PLAA: variants seen among roughly 807,000 people sequenced by gnomAD.
PLAA encodes the protein phospholipase A2 activating protein.
In PLAA, 48 loss-of-function variants were observed where a neutral mutation model predicts 84.1. That is an observed-to-expected ratio of 0.57 (90% confidence interval 0.45 to 0.73). The LOEUF is 0.73. PLAA is among the 30% of genes least tolerant of loss of function. The probability of loss-of-function intolerance (pLI) is 0.00; values close to 1 mark genes in which losing one functional copy is unlikely to be tolerated. For synonymous variants in PLAA, 392 were observed against 336.6 expected (o/e 1.16, Z -1.80); for missense variants, 903 against 954.7 (o/e 0.95, Z 0.71).
intron 13 of PLAA, 165 bp downstream of exon 13, chr9:26,907,669 C>A (rs548729653): frequency 8.5e-5 from 43 of 503,548 alleles, no homozygotes; most frequent in African/African-American, 2.1e-4. Context: ...GAAACAAGAT[C>A]ATCAATTCCA....
intron 10 of PLAA, among the ~76,000 whole-genome samples, chr9:26,915,213 G>GA (rs980332744): frequency 4.4e-4 from 63 of 143,030 alleles, no homozygotes; most frequent in East Asian, 9.9e-4. Context: ...ACTCTGACTC[G>GA]AAAAAAAAAA....
chr9:26,929,385 A>G (rs1825094573), intron 2 of PLAA, among the ~76,000 whole-genome samples: 1 of 151,854 alleles, frequency 6.6e-6, no homozygotes, highest in Non-Finnish European at 1.5e-5. Flanking sequence ...CCAGTAAGAG[A>G]ATTGCTTGAG....
chr9:26,928,481 T>C, intron 2 of PLAA, 73 bp from the exon 3 acceptor site: 2 of 1,048,286 alleles, frequency 1.9e-6, no homozygotes, highest in South Asian at 1.3e-5. Flanking sequence ...TACTAAAGCA[T>C]TCCAATTTTA....
At chr9:26,931,704 A>G (rs540913007) in intron 2 of PLAA, among the ~76,000 whole-genome samples, 3 of 152,182 alleles carry the variant, frequency 2.0e-5, no homozygotes, top group Non-Finnish European at 4.4e-5. Flanking sequence ...AGCTAAAATA[A>G]TCTGGTTTTA....
At chr9:26,938,620 G>A (rs1260033257) in intron 1 of PLAA, among the ~76,000 whole-genome samples, 1 of 149,330 alleles carries the variant, frequency 6.7e-6, no homozygotes, top group African/African-American at 2.5e-5. Context: ...TGTAAGAAAT[G>A]CTTAAAGGAG....
chr9:26,914,066 T>C (rs1824480466), intron 10 of PLAA, 119 bp from the exon 11 acceptor site: 3 of 673,792 alleles, frequency 4.5e-6, no homozygotes, highest in African/African-American at 1.8e-5. Flanking sequence ...ATATACATAA[T>C]AAATATGCCA....
intron 6 of PLAA, among the ~76,000 whole-genome samples, chr9:26,925,234 C>A (rs969192893): frequency 6.6e-6 from 1 of 152,266 alleles, no homozygotes; most frequent in Middle Eastern, 3.4e-3. Context: ...TTTAGTAATT[C>A]ATAAGTTCTG....
Position 26,914,043 on chromosome 9 carries a change from C to T in PLAA, c.1487-96G>A. 3 of 835,004 alleles carry T rather than the reference C, an allele frequency of 3.6e-6. No homozygotes were observed. In the South Asian group the frequency reaches 4.6e-5, roughly 13 times the overall value. 51.7% of individuals were successfully genotyped at this position (835,004 alleles called of 1,614,324 possible). ...TATTTCCAGTATTAAGCACACTTCA[C>T]AATGGCGTCATTATATACATAATAA... On this transcript the variant is annotated intron_variant, in intron 10 of 13. Transcript: ENST00000397292.
At chr9:26,928,778 T>C (rs947150514) in intron 2 of PLAA, among the ~76,000 whole-genome samples, 6 of 152,234 alleles carry the variant, frequency 3.9e-5, no homozygotes, top group African/African-American at 1.4e-4. Context: ...TATATAAATA[T>C]TTAAGGCTGC....
At chr9:26,939,409 A>T (rs963780480) in intron 1 of PLAA, among the ~76,000 whole-genome samples, 1 of 151,490 alleles carries the variant, frequency 6.6e-6, no homozygotes, top group Non-Finnish European at 1.5e-5. Flanking sequence ...AAAATAAAAT[A>T]AATAAATAAA....
Position 26,908,529 on chromosome 9 carries a change from T to A in PLAA, c.1658-531A>T, listed in dbSNP as rs533956082. ...CCCAGGCTGGAGTGCAGTGGCATGA[T>A]CTCGGCTCACTGCAACCTCCGCCAT... On this transcript the variant is annotated intron_variant, in intron 12 of 13. Transcript: ENST00000397292. 2.6e-5 allele frequency among the ~76,000 whole-genome samples: 4 copies of A among 151,224 alleles called. No homozygotes were observed. The South Asian group carries it at 6.3e-4, about 24-fold the overall frequency.
At chr9:26,919,085 C>A in intron 9 of PLAA, 2 of 384,996 alleles carry the variant, frequency 5.2e-6, no homozygotes, top group Non-Finnish European at 9.2e-6. Context: ...ACTGAAATTC[C>A]ATTATAGTAT....
Position 26,922,333 on chromosome 9 carries a change from T to A in PLAA, c.1039+845A>T, listed in dbSNP as rs188367627. On this transcript the variant is annotated intron_variant, in intron 7 of 13. Coordinates refer to ENST00000397292, the MANE Select transcript of PLAA (RefSeq NM_001031689.3). ...TGCATGCAAGTAGAACATAGTAACT[T>A]ACCAGAATGGTTTAAAGCCCCTGGC... 2.4e-3 allele frequency among the ~76,000 whole-genome samples: 367 copies of A among 152,192 alleles called. 1 individual carries two copies. The highest frequency in any genetic ancestry group is 0.019 in the Admixed American group (290 of 15,286).
At position 26,935,524 on chromosome 9, in the gene PLAA, T is replaced by G. The variant is rs1825331037; in HGVS notation, c.150-318A>C. On this transcript the variant is annotated intron_variant, in intron 1 of 13. Transcript: ENST00000397292. ...CTCCATCTTCACTTCTACACATTAGTGACTGTTACCCTAAGAAATCCCTGG... is the reference window on the plus strand; with the variant it reads ...CTCCATCTTCACTTCTACACATTAGGGACTGTTACCCTAAGAAATCCCTGG... Among the ~76,000 whole-genome samples the G allele has an allele frequency of 2.6e-5, 4 of 152,312 alleles. No homozygotes were observed. The South Asian group carries it at 8.3e-4, about 32-fold the overall frequency.
intron 11 of PLAA, among the ~76,000 whole-genome samples, chr9:26,910,942 C>G (rs1191623469): frequency 6.6e-6 from 1 of 152,118 alleles, no homozygotes; most frequent in Admixed American, 6.5e-5. Context: ...TCTTTTACTG[C>G]TTATTCCAAA....
At chr9:26,941,054 A>T (rs1354834534) in intron 1 of PLAA, among the ~76,000 whole-genome samples, 3 of 151,944 alleles carry the variant, frequency 2.0e-5, no homozygotes, top group Non-Finnish European at 4.4e-5. Flanking sequence ...CAGAATCCAG[A>T]TTAGGTTCTT....
At chr9:26,909,585 A>C (rs1353839128) in intron 12 of PLAA, among the ~76,000 whole-genome samples, 1 of 152,076 alleles carries the variant, frequency 6.6e-6, no homozygotes, top group African/African-American at 2.4e-5. Flanking sequence ...CAAACAGAAA[A>C]AGCAATCAAA....
intron 1 of PLAA, among the ~76,000 whole-genome samples, chr9:26,945,865 C>T (rs1237702430): frequency 6.6e-6 from 1 of 152,240 alleles, no homozygotes; most frequent in Non-Finnish European, 1.5e-5. Flanking sequence ...TTTAAACAAA[C>T]AACTCCTCAG....
At chr9:26,911,045 G>C (rs1220907321) in intron 11 of PLAA, among the ~76,000 whole-genome samples, 4 of 151,756 alleles carry the variant, frequency 2.6e-5, no homozygotes, top group East Asian at 1.9e-4. Flanking sequence ...AGGAGTCCTA[G>C]TCTTTCTTTT....
Sources: gnomAD v4.1 joint callset for allele counts (sites outside exome capture counted in the v4.1 genomes callset) on GRCh38, gnomAD v4.1.1 for gene constraint, MANE v1.5 for transcripts, NCBI Gene and HGNC (gene_info 2026-07-23, HGNC 2026-07-21) for gene names.